Variants in GLUD1 observed in about 807,000 individuals in gnomAD.
GLUD1 encodes glutamate dehydrogenase 1.
Under a neutral mutation model 56.0 loss-of-function variants are expected in GLUD1, and 22 were observed. The ratio of observed to expected loss-of-function variants is 0.39; its 90% confidence interval spans 0.28 to 0.56. The LOEUF (loss-of-function observed/expected upper bound fraction) is 0.56, where lower values mean the gene tolerates loss of function less well. GLUD1 is among the 20% of genes least tolerant of loss of function. GLUD1 has a pLI of 0.58. For missense variants in GLUD1, 451 were observed against 732.0 expected, an observed-to-expected ratio of 0.62 and a Z score of 4.43; for synonymous variants, 223 against 269.9, an observed-to-expected ratio of 0.83 and a Z score of 1.70.
chr10:87,075,946 C>A, intron 3 of GLUD1, 22 bp downstream of exon 3: 1 of 1,479,666 alleles, frequency 6.8e-7, no homozygotes, highest in Non-Finnish European at 9.4e-7. Flanking sequence ...CAATAAAAAA[C>A]AAATATCACT....
chr10:87,062,653 T>C lies in GLUD1; in HGVS notation c.921+3A>G. 1.9e-6 allele frequency: 3 copies of C among 1,612,212 alleles called. No individual in the cohort carries two copies. The highest frequency in any genetic ancestry group is 2.2e-5 in the South Asian group (2 of 90,956). On this transcript the variant is annotated splice_donor_region_variant and intron_variant, in intron 6 of 12. Coordinates refer to ENST00000277865, the MANE Select transcript of GLUD1 (RefSeq NM_005271.5). ...AGGAAACTTTTTTTGTTTTTGTTTT[T>C]ACCTGAACAACAAATGTTTTATCTC...
intron 10 of GLUD1, among the ~76,000 whole-genome samples, chr10:87,058,433 T>C (rs1845844566): frequency 6.6e-6 from 1 of 152,178 alleles, no homozygotes; most frequent in African/African-American, 2.4e-5. Flanking sequence ...TTATTTCAAC[T>C]AGATGAGAAA....
chr10:87,094,795 G>C lies in GLUD1; in HGVS notation c.-26C>G. Reference sequence around the variant, plus strand: ...GGCCACAAGCGGAGGGGAGGTGCGTGATGGTCGCGAAACAGGCGCGCTTTC... The same window carrying C: ...GGCCACAAGCGGAGGGGAGGTGCGTCATGGTCGCGAAACAGGCGCGCTTTC... On this transcript the variant is annotated 5_prime_UTR_variant, in exon 1 of 13. In the 5' UTR this introduces an upstream ATG that the reference lacks. Coordinates refer to ENST00000277865, the MANE Select transcript of GLUD1 (RefSeq NM_005271.5). This position sits in a 1 kb window ranked among gnomAD's most constrained non-coding sequence, Gnocchi z 6.6. The C allele has an allele frequency of 5.3e-6, 8 of 1,513,092 alleles. No individual in the cohort carries two copies. The highest frequency in any genetic ancestry group is 7.1e-6 in the Non-Finnish European group (8 of 1,121,198). 93.7% of individuals were successfully genotyped at this position (1,513,092 alleles called of 1,614,324 possible). A position where few individuals can be genotyped will look rare whatever the true frequency, so the allele number is the denominator to read the frequency against.
chr10:87,064,219 C>T (rs551257358), intron 5 of GLUD1, among the ~76,000 whole-genome samples: 2 of 152,188 alleles, frequency 1.3e-5, no homozygotes, highest in South Asian at 2.1e-4. Flanking sequence ...GGCCTGTCCT[C>T]TTTCAATTGA....
chr10:87,078,645 C>T (rs540378129), intron 1 of GLUD1, among the ~76,000 whole-genome samples: 1 of 152,126 alleles, frequency 6.6e-6, no homozygotes, highest in African/African-American at 2.4e-5. Context: ...AAGCTATGGC[C>T]ACAAAAATAT....
intron 8 of GLUD1, 48 bp downstream of exon 8, chr10:87,060,640 C>G (rs371960623): frequency 6.2e-7 from 1 of 1,610,976 alleles, no homozygotes; most frequent in African/African-American, 1.3e-5. Flanking sequence ...ACCCCCCTAA[C>G]GTCATTCACA....
At chr10:87,085,439 T>A (rs1841359799) in intron 1 of GLUD1, among the ~76,000 whole-genome samples, 1 of 152,154 alleles carries the variant, frequency 6.6e-6, no homozygotes, top group African/African-American at 2.4e-5. Flanking sequence ...AATACCATCT[T>A]AGATTTTTAA....
intron 11 of GLUD1, among the ~76,000 whole-genome samples, chr10:87,053,776 G>A (rs527736676): frequency 3.9e-5 from 6 of 152,244 alleles, no homozygotes; most frequent in South Asian, 2.1e-4. Flanking sequence ...GCCACGGTGC[G>A]TTCGCCTCAG....
chr10:87,093,217 GA>G (rs1841569220), intron 1 of GLUD1, among the ~76,000 whole-genome samples: 2 of 152,226 alleles, frequency 1.3e-5, no homozygotes, highest in Admixed American at 1.3e-4. Context: ...AAAGACCACA[GA>G]ACCAGGTTTA....
In GLUD1 at chr10:87,067,911, T is replaced by C. The variant is rs138082612; in HGVS notation, c.741+152A>G. 96 of 655,614 alleles carry C rather than the reference T, an allele frequency of 1.5e-4. No homozygotes were observed. The African/African-American group carries it at 1.6e-3, about 11-fold the overall frequency. 40.6% of individuals were successfully genotyped at this position (655,614 alleles called of 1,614,324 possible). ...ATCTGTGTTCATTACGATTTAAGAA[T>C]AGACAAGTAGACATAAAATAATATG... On this transcript the variant is annotated intron_variant, in intron 5 of 12. Coordinates refer to ENST00000277865, the MANE Select transcript of GLUD1 (RefSeq NM_005271.5).
At chr10:87,074,636 A>G (rs1290255448) in intron 3 of GLUD1, 22 bp from the exon 4 acceptor site, 1 of 1,390,426 alleles carries the variant, frequency 7.2e-7, no homozygotes, top group South Asian at 1.2e-5. Context: ...GAAAACAAAA[A>G]CAAAAGAAAA....
intron 1 of GLUD1, among the ~76,000 whole-genome samples, chr10:87,087,883 C>A (rs918898258): frequency 2.6e-5 from 4 of 152,112 alleles, no homozygotes; most frequent in African/African-American, 7.2e-5. Flanking sequence ...GAGTTCGAGA[C>A]CAGCCTGACC....
intron 5 of GLUD1, among the ~76,000 whole-genome samples, chr10:87,065,068 A>G (rs1846037466): frequency 6.6e-6 from 1 of 152,212 alleles, no homozygotes; most frequent in African/African-American, 2.4e-5. Context: ...AAAACTGTTC[A>G]CCAGTATAGT....
intron 7 of GLUD1, 36 bp from the exon 8 acceptor site, chr10:87,060,861 C>T: frequency 6.2e-7 from 1 of 1,613,946 alleles, no homozygotes; most frequent in East Asian, 2.2e-5. Context: ...AATAGCTGCA[C>T]CAGAGTTTTA....
At chr10:87,052,668 T>TAAAAAAAAAAAAAAAAAAAA (rs1285140190) in intron 12 of GLUD1, among the ~76,000 whole-genome samples, 1 of 16,568 alleles carries the variant, frequency 6.0e-5, no homozygotes, top group African/African-American at 1.3e-4. Flanking sequence ...AAACTCCGTC[T>TAAAAAAAAAAAAAAAAAAAA]CAAAAAAAAA....
chr10:87,067,296 T>C (rs1264496213), intron 5 of GLUD1, among the ~76,000 whole-genome samples: 1 of 152,240 alleles, frequency 6.6e-6, no homozygotes, highest in African/African-American at 2.4e-5. Flanking sequence ...TGGAGTGCTG[T>C]GGTGCAACCA....
At chr10:87,091,529 T>G (rs1030415971) in intron 1 of GLUD1, 1 of 509,106 alleles carries the variant, frequency 2.0e-6, no homozygotes, top group Non-Finnish European at 2.5e-6. Context: ...GGAAATATTT[T>G]TAAGGCCTCA....
intron 5 of GLUD1, among the ~76,000 whole-genome samples, chr10:87,065,496 A>T (rs1178192310): frequency 6.6e-6 from 1 of 152,186 alleles, no homozygotes; most frequent in Non-Finnish European, 1.5e-5. Flanking sequence ...CAGTGCTAAC[A>T]GCAAGAGAAA....
At position 87,052,669 on chromosome 10, in the gene GLUD1, C is replaced by CAAA. The variant is rs751155208; in HGVS notation, c.1557+670_1557+672dup. On this transcript the variant is annotated intron_variant, in intron 12 of 12. Transcript: ENST00000277865. ...TGGGCAACAGGGCAAAACTCCGTCT[C>CAAA]AAAAAAAAAAAAAAAAAAAAAAAAA... is the stretch of plus-strand genomic sequence containing the variant. Among the ~76,000 whole-genome samples the CAAA allele has an allele frequency of 4.5e-3, 187 of 41,680 alleles. 14 individuals carry two copies. The highest frequency in any genetic ancestry group is 9.5e-3 in the African/African-American group (137 of 14,414). 27.3% of individuals were successfully genotyped at this position (41,680 alleles called of 152,430 possible).
Sources: allele counts gnomAD v4.1 joint callset (sites outside exome capture counted in the v4.1 genomes callset), GRCh38; gene constraint gnomAD v4.1.1; non-coding constraint Gnocchi (gnomAD v3.1); transcripts MANE v1.5; gene names NCBI Gene and HGNC (gene_info 2026-07-23, HGNC 2026-07-21).